FAM107A: variants seen among roughly 807,000 people sequenced by gnomAD.
FAM107A encodes the protein actin-associated protein FAM107A.
FAM107A carries 19 observed loss-of-function variants against 13.7 expected under a neutral mutation model. That is an observed-to-expected ratio of 1.38 (90% confidence interval 0.97 to 2.03). FAM107A has a LOEUF of 2.03. Among genes scored for constraint, FAM107A ranks in the 30% most tolerant of loss-of-function variants. FAM107A has a pLI of 0.00. For synonymous variants in FAM107A, 82 were observed against 74.5 expected, an observed-to-expected ratio of 1.10 and a Z score of -0.52; for missense variants, 203 against 184.4, an observed-to-expected ratio of 1.10 and a Z score of -0.58.
At chr3:58,610,110 A>C (rs1295626581) in intron 1 of FAM107A, among the ~76,000 whole-genome samples, 1 of 152,208 alleles carries the variant, frequency 6.6e-6, no homozygotes, top group African/African-American at 2.4e-5. Flanking sequence ...TGCAGGATAG[A>C]AATGACAACA....
At chr3:58,622,151 G>A (rs62250322) in intron 1 of FAM107A, among the ~76,000 whole-genome samples, 39,489 of 152,104 alleles carry the variant, frequency 0.26, 5,488 homozygotes, top group East Asian at 0.39. Context: ...GGGACAGCAT[G>A]AAAAAGCATT....
At chr3:58,627,340 T>G in intron 1 of FAM107A, 1 of 335,060 alleles carries the variant, frequency 3.0e-6, no homozygotes, top group East Asian at 5.3e-5. Context: ...GGGGCAGTCC[T>G]CTCATCACAC....
intron 1 of FAM107A, among the ~76,000 whole-genome samples, chr3:58,593,979 C>G (rs558750466): frequency 6.6e-6 from 1 of 152,044 alleles, no homozygotes; most frequent in African/African-American, 2.4e-5. Flanking sequence ...CCCTCCCCCC[C>G]ACCATATTTG....
Position 58,604,287 on chromosome 3 carries a change from C to G in FAM107A, c.-69-15018G>C, listed in dbSNP as rs922983660. ...TATACTTGGGAGAGTGACATCCCAA[C>G]TCGTGCTCCCTCCAGAGCATTAAAC... is the stretch of plus-strand genomic sequence containing the variant. On this transcript the variant is annotated intron_variant, in intron 1 of 3. Transcript: ENST00000465970. The surrounding 1 kb of genome is among the most constrained non-coding windows in gnomAD (Gnocchi z 4.1). 5.9e-5 allele frequency among the ~76,000 whole-genome samples: 9 copies of G among 152,272 alleles called. No homozygotes were observed. Among genetic ancestry groups the G allele is most frequent in the African/African-American group, 2.2e-4 (9 of 41,556 alleles).
chr3:58,611,557 A>T (rs1223903592), intron 1 of FAM107A, among the ~76,000 whole-genome samples: 3 of 152,196 alleles, frequency 2.0e-5, no homozygotes, highest in Non-Finnish European at 1.5e-5. Context: ...CTTGGTTGAG[A>T]GCAGGTGGGG....
Position 58,606,703 on chromosome 3 carries a change from G to GTTTCCAGT in FAM107A, c.-69-17435_-69-17434insACTGGAAA, listed in dbSNP as rs1160275305. 3.3e-5 allele frequency among the ~76,000 whole-genome samples: 5 copies of GTTTCCAGT among 152,320 alleles called. No homozygotes were observed. In the East Asian group the frequency reaches 9.6e-4, roughly 29 times the overall value. ...TTATTAAAGTCTTGTGGAACACACT[G>GTTTCCAGT]GAAAATGTTGGACCACAGAGTACAG... On this transcript the variant is annotated intron_variant, in intron 1 of 3. Transcript: ENST00000465970.
rs1350991511 is a variant in FAM107A at position 58,617,655 on chromosome 3, C to T, written c.-70+9761G>A. ...AGCTGCGTTTTTGGGTTTCTGCCTG[C>T]GAGAAAACCGGCTTTTGATTTGGCC... is the stretch of plus-strand genomic sequence containing the variant. On this transcript the variant is annotated intron_variant, in intron 1 of 3. Coordinates refer to the FAM107A transcript ENST00000465970. The surrounding 1 kb of genome is among the most constrained non-coding windows in gnomAD (Gnocchi z 4.5). Among the ~76,000 whole-genome samples, 5 of 152,022 alleles carry T rather than the reference C, an allele frequency of 3.3e-5. No individual in the cohort carries two copies. Among genetic ancestry groups the T allele is most frequent in the Admixed American group, 6.6e-5 (1 of 15,256 alleles).
intron 1 of FAM107A, among the ~76,000 whole-genome samples, chr3:58,623,752 C>T (rs1452736920): frequency 6.6e-6 from 1 of 152,220 alleles, no homozygotes; most frequent in African/African-American, 2.4e-5. Context: ...GAGCCTCTTG[C>T]TTAACCTCTC....
At chr3:58,598,722 C>T (rs987565024) in intron 1 of FAM107A, among the ~76,000 whole-genome samples, 4 of 152,196 alleles carry the variant, frequency 2.6e-5, no homozygotes, top group African/African-American at 9.6e-5. Flanking sequence ...TTCCCTGAGT[C>T]ATCACTCTTT....
chr3:58,570,051 C>T (rs1035690491), intron 1 of FAM107A, among the ~76,000 whole-genome samples, 186 bp from the exon 2 acceptor site: 6 of 152,298 alleles, frequency 3.9e-5, no homozygotes, highest in Admixed American at 2.0e-4. Context: ...GAAATCATAA[C>T]GGAACGCATG....
intron 1 of FAM107A, among the ~76,000 whole-genome samples, chr3:58,606,177 C>A (rs560018348): frequency 6.6e-6 from 1 of 152,328 alleles, no homozygotes; most frequent in East Asian, 1.9e-4. Flanking sequence ...CTCACTACAA[C>A]CTCTGTCTCC....
chr3:58,566,947 A>T (rs1212611415), intron 3 of FAM107A: 1 of 609,798 alleles, frequency 1.6e-6, no homozygotes, highest in Non-Finnish European at 2.9e-6. Flanking sequence ...CACCTGGCTC[A>T]CAAGACAGTT....
At chr3:58,596,895 G>C (rs2108068470) in intron 1 of FAM107A, among the ~76,000 whole-genome samples, 1 of 152,304 alleles carries the variant, frequency 6.6e-6, no homozygotes, top group South Asian at 2.1e-4. Flanking sequence ...TCTGGCCTCT[G>C]TCACTACAGA....
At chr3:58,576,345 C>T (rs1292272754) in intron 1 of FAM107A, among the ~76,000 whole-genome samples, 2 of 152,210 alleles carry the variant, frequency 1.3e-5, no homozygotes, top group Non-Finnish European at 2.9e-5. Flanking sequence ...GAGTCCAGGG[C>T]TAGACATGGA....
chr3:58,609,412 T>C (rs979813103), intron 1 of FAM107A, among the ~76,000 whole-genome samples: 1 of 152,204 alleles, frequency 6.6e-6, no homozygotes, highest in African/African-American at 2.4e-5. Flanking sequence ...CCTCACCCCA[T>C]TGCCCCTTCC....
At chr3:58,620,945 ACTC>A (rs1333475214) in intron 1 of FAM107A, among the ~76,000 whole-genome samples, 1 of 150,248 alleles carries the variant, frequency 6.7e-6, no homozygotes, top group Non-Finnish European at 1.5e-5. Context: ...TCTAGTCCCC[ACTC>A]CTCCTCTACA....
intron 1 of FAM107A, among the ~76,000 whole-genome samples, chr3:58,594,404 T>C (rs9830242): frequency 0.042 from 6,383 of 152,224 alleles, 469 homozygotes; most frequent in African/African-American, 0.15. Context: ...TCTACCCAGT[T>C]GCCCCATCAA....
At chr3:58,616,838 A>T (rs1007887612) in intron 1 of FAM107A, among the ~76,000 whole-genome samples, 22 of 151,932 alleles carry the variant, frequency 1.4e-4, no homozygotes, top group Non-Finnish European at 2.6e-4. Context: ...CAGTGGCACG[A>T]TCTCGGCTCA....
At chr3:58,597,369 T>C (rs2065716481) in intron 1 of FAM107A, among the ~76,000 whole-genome samples, 1 of 152,182 alleles carries the variant, frequency 6.6e-6, no homozygotes, top group African/African-American at 2.4e-5. Flanking sequence ...ATGCTTTGGA[T>C]TGGCAGGGAG....
Sources: allele counts gnomAD v4.1 joint callset (sites outside exome capture counted in the v4.1 genomes callset), GRCh38; gene constraint gnomAD v4.1.1; non-coding constraint Gnocchi (gnomAD v3.1); transcripts MANE v1.5; gene names NCBI Gene and HGNC (gene_info 2026-07-23, HGNC 2026-07-21).